ARMC10: variants seen among roughly 807,000 people sequenced by gnomAD.
The protein encoded by ARMC10 is armadillo repeat-containing protein 10.
A neutral mutation model predicts 30.2 loss-of-function variants in ARMC10; 23 were observed. That is an observed-to-expected ratio of 0.76 (90% CI 0.55 to 1.08). ARMC10 has a LOEUF of 1.08. Ranked by LOEUF, ARMC10 falls within the 50% of genes least tolerant of loss-of-function variation. ARMC10 has a pLI of 0.00. For missense variants in ARMC10, 303 were observed against 413.7 expected (o/e 0.73, Z 2.32); for synonymous variants, 111 against 164.4 (o/e 0.68, Z 2.48).
At chr7:103,077,622 G>A (rs754340187) in intron 2 of ARMC10, among the ~76,000 whole-genome samples, 39 of 152,032 alleles carry the variant, frequency 2.6e-4, no homozygotes, top group Admixed American at 7.9e-4. Flanking sequence ...CCTCTTAAAG[G>A]CCTTACCTCT....
At chr7:103,084,414 A>G (rs1222355210) in intron 3 of ARMC10, among the ~76,000 whole-genome samples, 2 of 152,244 alleles carry the variant, frequency 1.3e-5, no homozygotes, top group African/African-American at 4.8e-5. Context: ...TGTCATAAGT[A>G]CAAAATTATT....
chr7:103,092,317 C>T (rs988896214), intron 4 of ARMC10, among the ~76,000 whole-genome samples, 160 bp from the exon 5 acceptor site: 2 of 109,974 alleles, frequency 1.8e-5, no homozygotes. Context: ...TGGGAGACAG[C>T]GAGACTCCGT....
chr7:103,097,526 C>T (rs960208780), intron 6 of ARMC10, among the ~76,000 whole-genome samples, 178 bp downstream of exon 6: 1 of 152,102 alleles, frequency 6.6e-6, no homozygotes, highest in Non-Finnish European at 1.5e-5. Flanking sequence ...TTGCAATGAG[C>T]CTCTTTTACT....
chr7:103,097,272 T>C lies in ARMC10; in HGVS notation c.706-5T>C. On this transcript the variant is annotated splice_polypyrimidine_tract_variant and splice_region_variant and intron_variant, in intron 5 of 6. Coordinates refer to ENST00000323716, the MANE Select transcript of ARMC10 (RefSeq NM_031905.5). ...CTGAGATAAGCCAGTATCATCTTCTTTCAGGTGCAAGTTTTGAAACTGCTT... is the reference window on the plus strand; with the variant it reads ...CTGAGATAAGCCAGTATCATCTTCTCTCAGGTGCAAGTTTTGAAACTGCTT... 1 of 1,613,016 alleles carries C rather than the reference T, an allele frequency of 6.2e-7. No individual in the cohort carries two copies. The highest frequency in any genetic ancestry group is 8.5e-7 in the Non-Finnish European group (1 of 1,179,076).
At chr7:103,095,804 AATC>A (rs1801707908) in intron 5 of ARMC10, 1 of 152,090 alleles carries the variant, frequency 6.6e-6, no homozygotes, top group Non-Finnish European at 1.5e-5. Context: ...CAAAATTGGA[AATC>A]ATCATTCTCA....
At chr7:103,078,346 C>G (rs990919036) in intron 2 of ARMC10, among the ~76,000 whole-genome samples, 1 of 152,160 alleles carries the variant, frequency 6.6e-6, no homozygotes, top group Non-Finnish European at 1.5e-5. Context: ...AATTGAATCA[C>G]GGGGGCAGTT....
At chr7:103,098,128 A>G (rs994692860) in intron 6 of ARMC10, among the ~76,000 whole-genome samples, 171 bp from the exon 7 acceptor site, 1 of 152,174 alleles carries the variant, frequency 6.6e-6, no homozygotes, top group Non-Finnish European at 1.5e-5. Context: ...TAAGTTATGA[A>G]ATTTTGGGTT....
chr7:103,095,991 G>A (rs368197808), intron 5 of ARMC10: 23 of 152,130 alleles, frequency 1.5e-4, no homozygotes, highest in African/African-American at 5.6e-4. Context: ...GCTAGATGAC[G>A]AGTTAGTGGG....
rs1028071486 is a variant in ARMC10 at position 103,080,643 on chromosome 7, T to A, written c.245-3039T>A. On this transcript the variant is annotated intron_variant, in intron 2 of 6. Coordinates refer to ENST00000323716, the MANE Select transcript of ARMC10 (RefSeq NM_031905.5). ...TTATTTTTTATTTATTCATTTATTT[T>A]TTGAGATGGAGTCTTGCTCTGTTGC... 2.0e-5 allele frequency among the ~76,000 whole-genome samples: 3 copies of A among 151,776 alleles called. No homozygotes were observed. The East Asian group carries it at 5.8e-4, about 29-fold the overall frequency.
chr7:103,084,268 G>T (rs1800639418), intron 3 of ARMC10, among the ~76,000 whole-genome samples: 1 of 152,208 alleles, frequency 6.6e-6, no homozygotes, highest in African/African-American at 2.4e-5. Flanking sequence ...TCCTGCAAAT[G>T]GAGACTTAAC....
chr7:103,088,745 T>C lies in ARMC10; in HGVS notation c.528+1981T>C, dbSNP rs1801065234. 5.3e-5 allele frequency: 10 copies of C among 190,244 alleles called. No homozygotes were observed. The South Asian group carries it at 1.1e-3, about 21-fold the overall frequency. The allele number at this position is 190,244 out of a possible 1,614,324, so 11.8% of individuals were successfully genotyped here. ...GAGCCTGGGCCACCTCTCCAACATA[T>C]AGTGAGAACTTATTACAGGTTTCAG... On this transcript the variant is annotated intron_variant, in intron 4 of 6. Transcript: ENST00000323716.
intron 5 of ARMC10, chr7:103,096,901 A>G (rs1202549846): frequency 4.4e-5 from 10 of 225,502 alleles, no homozygotes; most frequent in Non-Finnish European, 4.4e-5. Flanking sequence ...TCTCCCTGAC[A>G]TTATAATTGG....
chr7:103,088,703 G>A (rs1413872280), intron 4 of ARMC10: 12 of 200,188 alleles, frequency 6.0e-5, no homozygotes, highest in East Asian at 1.3e-4. Flanking sequence ...CCCCATTGCC[G>A]TGAGAGATAT....
At chr7:103,098,216 G>T in intron 6 of ARMC10, 83 bp from the exon 7 acceptor site, 3 of 1,168,804 alleles carry the variant, frequency 2.6e-6, no homozygotes, top group Non-Finnish European at 3.3e-6. Context: ...GTTATTCAAT[G>T]TAGTTTTAAA....
chr7:103,097,770 TG>T (rs1801875490), intron 6 of ARMC10, among the ~76,000 whole-genome samples: 1 of 152,098 alleles, frequency 6.6e-6, no homozygotes, highest in Admixed American at 6.6e-5. Context: ...TACAGTCTAG[TG>T]GAGAGACAAA....
In ARMC10 at chr7:103,097,332, G is replaced by T. The variant is rs1801837499; in HGVS notation, c.761G>T (p.Gly254Val). The T allele has an allele frequency of 1.2e-6, 2 of 1,612,478 alleles. No homozygotes were observed. Among genetic ancestry groups the T allele is most frequent in the African/African-American group, 2.7e-5 (2 of 74,896 alleles). The change falls in exon 6 of 7, where the codon GGA becomes GTA. Residue 254 changes from glycine to valine, a missense_variant. This residue lies in a region of ARMC10 where 170 missense variants were observed against 207.2 expected (regional missense o/e 0.82). Transcript: ENST00000323716. ...TCTGAAAATCCAGCCATGACAGAAG[G>T]ACTTCTCCGTGCCCAAGTAAATAGC... The part of the protein sequence containing the change: ...NLSENPAMTE[G>V]LLRAQVDSSF...
intron 4 of ARMC10, among the ~76,000 whole-genome samples, chr7:103,087,583 C>G (rs1048718011): frequency 2.0e-5 from 3 of 152,100 alleles, no homozygotes; most frequent in African/African-American, 7.2e-5. Context: ...CTCCCATGTT[C>G]AAACTAGAAA....
chr7:103,080,749 T>C (rs971665517), intron 2 of ARMC10, among the ~76,000 whole-genome samples: 1 of 151,544 alleles, frequency 6.6e-6, no homozygotes, highest in African/African-American at 2.4e-5. Flanking sequence ...TACCTCAGCC[T>C]CCGGAGTAGC....
At chr7:103,094,085 A>G (rs537027128) in intron 5 of ARMC10, among the ~76,000 whole-genome samples, 2 of 152,360 alleles carry the variant, frequency 1.3e-5, no homozygotes, top group East Asian at 3.9e-4. Context: ...TCCATTTGTT[A>G]GTGGGAAAGT....
Sources: gnomAD v4.1 joint callset for allele counts (sites outside exome capture counted in the v4.1 genomes callset) on GRCh38, gnomAD v4.1.1 for gene constraint, gnomAD v4.1.1 regional missense constraint, MANE v1.5 for transcripts, NCBI Gene and HGNC (gene_info 2026-07-23, HGNC 2026-07-21) for gene names.